FHAD1: variants seen among roughly 807,000 people sequenced by gnomAD.
FHAD1 encodes the protein forkhead-associated domain-containing protein 1.
In FHAD1, 146 loss-of-function variants were observed where a neutral mutation model predicts 191.3. That is an observed-to-expected ratio of 0.76 (90% CI 0.67 to 0.88). The LOEUF is 0.88. Among genes scored for constraint, FHAD1 ranks in the 40% least tolerant of loss-of-function variants. FHAD1 has a pLI of 0.00. For missense variants in FHAD1, 1,635 were observed against 1,785.8 expected (o/e 0.92, Z 1.52); for synonymous variants, 616 against 672.3 (o/e 0.92, Z 1.29).
chr1:15,251,996 C>A, intron 2 of FHAD1, 119 bp downstream of exon 2: 1 of 823,302 alleles, frequency 1.2e-6, no homozygotes, highest in Non-Finnish European at 1.9e-6. Flanking sequence ...GGCAAGCAGC[C>A]ATACCTTTCC....
rs1220133903 is a variant in FHAD1 at position 15,329,306 on chromosome 1, C to G, written c.1711-40C>G. On this transcript the variant is annotated intron_variant, in intron 13 of 33. Transcript: ENST00000688493. This position sits in a 1 kb window ranked among gnomAD's most constrained non-coding sequence, Gnocchi z 5.0. The stretch of plus-strand genomic sequence containing the variant: ...AGGTCACGTCAGGGGCTATTTCTGG[C>G]CACAGGGCCTGGGCTCCTCATGATC... The G allele has an allele frequency of 2.0e-6, 3 of 1,486,044 alleles. No homozygotes were observed. Among genetic ancestry groups the G allele is most frequent in the Middle Eastern group, 4.0e-4 (2 of 4,970 alleles). The allele number at this position is 1,486,044 out of a possible 1,614,324, so 92.1% of individuals were successfully genotyped here. A position where few individuals can be genotyped will look rare whatever the true frequency, so the allele number is the denominator to read the frequency against.
Position 15,374,610 on chromosome 1 carries a change from C to G in FHAD1, c.3556C>G (p.Leu1186Val). Reference sequence around the variant, plus strand: ...TGAACTTCGAGCGCGAATTAAAGAACTCGAGAAGGCGCGCTCACCAGGTAA... The same window carrying G: ...TGAACTTCGAGCGCGAATTAAAGAAGTCGAGAAGGCGCGCTCACCAGGTAA... ...LSELRARIKELEKARSPDHKD... is the reference protein window; with the variant it reads ...LSELRARIKEVEKARSPDHKD... Residue 1186 changes from leucine (L) to valine (V), a missense_variant, in exon 27 of 34, where the codon CTC (leucine) becomes GTC (valine). Coordinates refer to ENST00000688493, the MANE Select transcript of FHAD1 (RefSeq NM_001391957.1). 1 of 1,551,606 alleles carries G rather than the reference C, an allele frequency of 6.4e-7. No homozygotes were observed. Among genetic ancestry groups the G allele is most frequent in the Non-Finnish European group, 8.7e-7 (1 of 1,146,990 alleles).
chr1:15,286,188 G>A (rs1269673825), intron 3 of FHAD1, among the ~76,000 whole-genome samples: 1 of 152,132 alleles, frequency 6.6e-6, no homozygotes, highest in Non-Finnish European at 1.5e-5. Flanking sequence ...GGAGAATTTT[G>A]TTATGTATTT....
chr1:15,298,997 G>A (rs758918749), intron 5 of FHAD1, among the ~76,000 whole-genome samples: 70 of 147,508 alleles, frequency 4.7e-4, no homozygotes, highest in Non-Finnish European at 8.2e-4. Context: ...AGTAAGACTC[G>A]ATTTCTGCAA....
At chr1:15,292,072 A>G (rs1246118500) in intron 4 of FHAD1, among the ~76,000 whole-genome samples, 3 of 152,246 alleles carry the variant, frequency 2.0e-5, no homozygotes, top group Non-Finnish European at 2.9e-5. Flanking sequence ...TATATGTTGA[A>G]GTCCTAATCC....
intron 2 of FHAD1, among the ~76,000 whole-genome samples, chr1:15,254,012 C>T (rs192069184): frequency 7.2e-5 from 11 of 152,214 alleles, no homozygotes; most frequent in East Asian, 1.9e-4. Context: ...GAGTTATAAA[C>T]GCAATCGATT....
At chr1:15,283,281 G>A (rs1446891469) in intron 3 of FHAD1, among the ~76,000 whole-genome samples, 2 of 152,118 alleles carry the variant, frequency 1.3e-5, no homozygotes, top group Non-Finnish European at 2.9e-5. Context: ...GTTTTAGCTG[G>A]TCCTCAATTT....
chr1:15,324,807 C>G (rs1486514413), intron 11 of FHAD1: 1 of 503,002 alleles, frequency 2.0e-6, no homozygotes, highest in Non-Finnish European at 3.6e-6. Flanking sequence ...GACCAGGCAG[C>G]CAATCCCGGC....
chr1:15,244,370 A>G (rs534224357), upstream of FHAD1, among the ~76,000 whole-genome samples: 1 of 152,260 alleles, frequency 6.6e-6, no homozygotes, highest in South Asian at 2.1e-4. This position sits in a 1 kb window ranked among gnomAD's most constrained non-coding sequence, Gnocchi z 5.1. Context: ...ACAGCAACAG[A>G]TGATCTCTCA....
In FHAD1 at chr1:15,345,588, C is replaced by G. The variant is rs1490200424; in HGVS notation, c.2346+65C>G. 3.0e-5 allele frequency: 39 copies of G among 1,297,682 alleles called. No individual in the cohort carries two copies. The Admixed American group carries it at 7.1e-4, about 24-fold the overall frequency. 80.4% of individuals were successfully genotyped at this position (1,297,682 alleles called of 1,614,324 possible). On this transcript the variant is annotated intron_variant, in intron 18 of 33. Transcript: ENST00000688493. Reference sequence around the variant, plus strand: ...CTTGAGGGCCATGTGGAAGGAAGTTCAGAGCGGCGATGATGGGGGTGAGAT... The same window carrying G: ...CTTGAGGGCCATGTGGAAGGAAGTTGAGAGCGGCGATGATGGGGGTGAGAT...
chr1:15,347,408 A>T (rs1048204367), intron 18 of FHAD1, among the ~76,000 whole-genome samples: 1 of 152,212 alleles, frequency 6.6e-6, no homozygotes, highest in Non-Finnish European at 1.5e-5. Context: ...GTGGCTTCCT[A>T]TCGGGGGAAT....
chr1:15,301,301 A>G lies in FHAD1; in HGVS notation c.775A>G (p.Asn259Asp). 1 of 1,551,774 alleles carries G rather than the reference A, an allele frequency of 6.4e-7. No individual in the cohort carries two copies. The highest frequency in any genetic ancestry group is 8.7e-7 in the Non-Finnish European group (1 of 1,146,988). ...YKDVIIANLQ[N>D]EVAELSQKVS... ...AGACGTCATAATAGCAAACCTGCAG[A>G]ATGAAGTGGCTGAGCTGAGTCAGAA... The change falls in exon 6 of 34, where the codon AAT (asparagine) becomes GAT (aspartate). Residue 259 changes from asparagine to aspartate, a missense_variant. Coordinates refer to ENST00000688493, the MANE Select transcript of FHAD1 (RefSeq NM_001391957.1).
At chr1:15,246,290 G>A (rs185434001), upstream of FHAD1, among the ~76,000 whole-genome samples, 2 of 152,300 alleles carry the variant, frequency 1.3e-5, no homozygotes, top group East Asian at 3.9e-4. Context: ...CACGTGGGGA[G>A]TGCAATTCGA....
chr1:15,383,242 C>T (rs1017994828), intron 31 of FHAD1: 1 of 470,262 alleles, frequency 2.1e-6, no homozygotes, highest in South Asian at 1.5e-5. Context: ...TGTCCACTCT[C>T]GCTGTCGTCA....
At chr1:15,261,734 C>G (rs938775347) in intron 2 of FHAD1, among the ~76,000 whole-genome samples, 1 of 152,234 alleles carries the variant, frequency 6.6e-6, no homozygotes, top group Non-Finnish European at 1.5e-5. Flanking sequence ...CCTCATATCC[C>G]TATTCCTTTG....
intron 32 of FHAD1, among the ~76,000 whole-genome samples, chr1:15,388,993 A>G (rs916826703): frequency 3.3e-5 from 5 of 152,214 alleles, no homozygotes; most frequent in African/African-American, 1.2e-4. Context: ...TCCAGTGCTC[A>G]GGTGTCCACT....
chr1:15,351,943 C>G (rs1691062678), intron 19 of FHAD1, among the ~76,000 whole-genome samples: 1 of 152,170 alleles, frequency 6.6e-6, no homozygotes, highest in African/African-American at 2.4e-5. Context: ...CCACACACAC[C>G]TCGAGTCTCA....
At chr1:15,337,479 C>T (rs1440252546) in intron 14 of FHAD1, among the ~76,000 whole-genome samples, 2 of 152,222 alleles carry the variant, frequency 1.3e-5, no homozygotes, top group Non-Finnish European at 2.9e-5. Flanking sequence ...AGCTCCCTGC[C>T]TCTCACTCAG....
At chr1:15,348,420 T>G (rs1303997899) in intron 18 of FHAD1, among the ~76,000 whole-genome samples, 4 of 152,228 alleles carry the variant, frequency 2.6e-5, no homozygotes, top group African/African-American at 7.2e-5. Context: ...TGCATTAAGC[T>G]GTTTAGTTGA....
Sources: allele counts gnomAD v4.1 joint callset (sites outside exome capture counted in the v4.1 genomes callset), GRCh38; gene constraint gnomAD v4.1.1; non-coding constraint Gnocchi (gnomAD v3.1); transcripts MANE v1.5; gene names NCBI Gene and HGNC (gene_info 2026-07-23, HGNC 2026-07-21).